RAP1GAP2: variants seen among roughly 807,000 people sequenced by gnomAD.
RAP1GAP2 encodes RAP1 GTPase activating protein 2.
Under a neutral mutation model 95.0 loss-of-function variants are expected in RAP1GAP2, and 27 were observed. The observed-to-expected ratio is 0.28, with a 90% CI of 0.21 to 0.39. The LOEUF (loss-of-function observed/expected upper bound fraction) is 0.39. RAP1GAP2 is among the 10% of genes least tolerant of loss of function. RAP1GAP2 has a pLI of 1.00. For synonymous variants in RAP1GAP2, 373 were observed against 380.9 expected (o/e 0.98, Z 0.24); for missense variants, 771 against 970.0 (o/e 0.79, Z 2.72).
At chr17:2,822,396 A>C (rs1039179969) in intron 2 of RAP1GAP2, among the ~76,000 whole-genome samples, 2 of 152,190 alleles carry the variant, frequency 1.3e-5, no homozygotes, top group Non-Finnish European at 2.9e-5. Flanking sequence ...CTGAGGCCAG[A>C]GGATCACTTG....
At chr17:2,895,312 C>T (rs572099357) in intron 2 of RAP1GAP2, among the ~76,000 whole-genome samples, 75 of 152,272 alleles carry the variant, frequency 4.9e-4, no homozygotes, top group African/African-American at 1.5e-3. Context: ...TCCTCCCCAG[C>T]GGGCCCCTTC....
intron 11 of RAP1GAP2, among the ~76,000 whole-genome samples, chr17:2,990,780 T>C (rs2045724244): frequency 6.6e-6 from 1 of 152,078 alleles, no homozygotes; most frequent in Non-Finnish European, 1.5e-5. Flanking sequence ...GTGGCCATCC[T>C]AGTGGGTGGG....
At chr17:2,770,247 T>G in intron 1 of RAP1GAP2, 1 of 398,066 alleles carries the variant, frequency 2.5e-6, no homozygotes, top group Non-Finnish European at 4.4e-6. Context: ...CCCTCAGCAA[T>G]TCTCCGGCAA....
intron 2 of RAP1GAP2, among the ~76,000 whole-genome samples, chr17:2,853,769 G>A (rs2071995941): frequency 6.8e-6 from 1 of 147,270 alleles, no homozygotes; most frequent in Admixed American, 6.7e-5. Context: ...CGCCGGGGGA[G>A]CGGACGGCGG....
At chr17:2,814,674 C>G (rs2069925467) in intron 2 of RAP1GAP2, among the ~76,000 whole-genome samples, 1 of 152,240 alleles carries the variant, frequency 6.6e-6, no homozygotes, top group East Asian at 1.9e-4. Flanking sequence ...GGTGAGGTGG[C>G]TGTCCCCTCC....
At chr17:2,898,424 ACT>A (rs2041912509) in intron 2 of RAP1GAP2, among the ~76,000 whole-genome samples, 1 of 151,140 alleles carries the variant, frequency 6.6e-6, no homozygotes, top group Non-Finnish European at 1.5e-5. Context: ...CCTCCCCCAC[ACT>A]CTGCCAGGTC....
rs1173253795 is a variant in RAP1GAP2 at position 2,867,262 on chromosome 17, TC to T, written c.81-38021del. Among the ~76,000 whole-genome samples the T allele has an allele frequency of 6.6e-6, 1 of 152,154 alleles. No individual in the cohort carries two copies. Among genetic ancestry groups the T allele is most frequent in the Non-Finnish European group, 1.5e-5 (1 of 68,028 alleles). The stretch of plus-strand genomic sequence containing the variant: ...TTGGTTTGAAGTGGCAAGCCCCAAT[TC>T]AAATTAATGTAAAGAAAAAATGAAG... On this transcript the variant is annotated intron_variant, in intron 2 of 24. Transcript: ENST00000254695. The surrounding 1 kb of genome is among the most constrained non-coding windows in gnomAD (Gnocchi z 4.5).
chr17:2,984,746 A>G (rs1177253317), intron 10 of RAP1GAP2, among the ~76,000 whole-genome samples: 1 of 152,160 alleles, frequency 6.6e-6, no homozygotes, highest in Non-Finnish European at 1.5e-5. Flanking sequence ...GAGTGGAATG[A>G]GTGATACAGA....
intron 3 of RAP1GAP2, among the ~76,000 whole-genome samples, chr17:2,934,046 T>C (rs1049981948): frequency 1.3e-5 from 2 of 152,278 alleles, no homozygotes. Flanking sequence ...CACCCGTCTT[T>C]GGTCACAGCC....
chr17:3,021,019 CT>C (rs1416545965), intron 19 of RAP1GAP2, among the ~76,000 whole-genome samples: 1 of 152,074 alleles, frequency 6.6e-6, no homozygotes, highest in Non-Finnish European at 1.5e-5. Context: ...TACATTGAAC[CT>C]GTTCTTGGTA....
At chr17:3,015,967 C>T (rs916302101) in intron 17 of RAP1GAP2, among the ~76,000 whole-genome samples, 6 of 152,158 alleles carry the variant, frequency 3.9e-5, no homozygotes, top group Admixed American at 3.9e-4. Flanking sequence ...GGGCCCACAC[C>T]TTAGTCCTTC....
intron 3 of RAP1GAP2, among the ~76,000 whole-genome samples, chr17:2,909,103 G>A (rs1009565421): frequency 6.6e-6 from 1 of 152,172 alleles, no homozygotes; most frequent in African/African-American, 2.4e-5. Flanking sequence ...CCTAGAGAAG[G>A]GAATGGAAGC....
intron 14 of RAP1GAP2, among the ~76,000 whole-genome samples, chr17:2,999,127 C>T (rs938042596): frequency 1.3e-5 from 2 of 152,144 alleles, no homozygotes; most frequent in Non-Finnish European, 2.9e-5. Context: ...GGCTCGAAAT[C>T]CTCACCGGTG....
intron 3 of RAP1GAP2, among the ~76,000 whole-genome samples, chr17:2,943,943 A>G (rs540625734): frequency 6.6e-6 from 1 of 151,902 alleles, no homozygotes; most frequent in Non-Finnish European, 1.5e-5. Flanking sequence ...AGGTCAGGAG[A>G]TCGAGACCAT....
upstream of RAP1GAP2, among the ~76,000 whole-genome samples, chr17:2,774,674 G>C (rs576257570): frequency 5.3e-5 from 8 of 151,394 alleles, no homozygotes; most frequent in East Asian, 1.6e-3. Flanking sequence ...GGGTCACCAT[G>C]TTGGCAGGCT....
chr17:2,937,241 C>T (rs2043333422), intron 3 of RAP1GAP2, among the ~76,000 whole-genome samples: 1 of 152,170 alleles, frequency 6.6e-6, no homozygotes, highest in African/African-American at 2.4e-5. Flanking sequence ...AGCTCCAAGC[C>T]AGTGCCTGGC....
intron 1 of RAP1GAP2, among the ~76,000 whole-genome samples, chr17:2,760,209 T>G (rs2071216114): frequency 7.4e-6 from 1 of 134,312 alleles, no homozygotes; most frequent in Middle Eastern, 4.1e-3. Context: ...AGGAGAATGG[T>G]GTGAACCTGG....
At chr17:2,773,139 C>G (rs534427326), upstream of RAP1GAP2, among the ~76,000 whole-genome samples, 38 of 152,146 alleles carry the variant, frequency 2.5e-4, no homozygotes, top group East Asian at 7.0e-3. Flanking sequence ...TGCCCAGCCT[C>G]TTTACAAAGA....
At chr17:2,947,905 C>G (rs1305358100) in intron 3 of RAP1GAP2, among the ~76,000 whole-genome samples, 1 of 152,094 alleles carries the variant, frequency 6.6e-6, no homozygotes, top group African/African-American at 2.4e-5. Context: ...GTTTGCTTCT[C>G]CCCCCAGCAC....
Sources: gnomAD v4.1 joint callset for allele counts (sites outside exome capture counted in the v4.1 genomes callset) on GRCh38, gnomAD v4.1.1 for gene constraint, Gnocchi (gnomAD v3.1) non-coding constraint, MANE v1.5 for transcripts, NCBI Gene and HGNC (gene_info 2026-07-23, HGNC 2026-07-21) for gene names.